The following PTPRM variants were observed in gnomAD, a reference collection of about 807,000 sequenced individuals.
The protein encoded by PTPRM is receptor-type tyrosine-protein phosphatase mu.
Under a neutral mutation model 186.7 loss-of-function variants are expected in PTPRM, and 47 were observed. The ratio of observed to expected loss-of-function variants is 0.25; its 90% CI spans 0.20 to 0.32. The LOEUF is 0.32. Among genes scored for constraint, PTPRM ranks in the 10% least tolerant of loss-of-function variants. The probability of loss-of-function intolerance (pLI) is 1.00; values close to 1 mark genes in which losing one functional copy is unlikely to be tolerated. For synonymous variants in PTPRM, 668 were observed against 674.9 expected (o/e 0.99, Z 0.16); for missense variants, 1,494 against 1,865.0 (o/e 0.80, Z 3.66).
At chr18:8,352,632 C>CTTTTTTTTTTTTTGGTTTTTTTT (rs2095540295) in intron 23 of PTPRM, among the ~76,000 whole-genome samples, 2 of 130,462 alleles carry the variant, frequency 1.5e-5, no homozygotes, top group African/African-American at 5.7e-5. Context: ...TTTTTCTTTT[C>CTTTTTTTTTTTTTGGTTTTTTTT]TTTTTTTTTT....
intron 11 of PTPRM, among the ~76,000 whole-genome samples, chr18:8,092,276 A>G (rs2090777217): frequency 6.6e-6 from 1 of 152,166 alleles, no homozygotes; most frequent in African/African-American, 2.4e-5. Flanking sequence ...TTAAATCCTG[A>G]GATGGCCAAG....
intron 11 of PTPRM, among the ~76,000 whole-genome samples, chr18:8,094,822 A>G (rs1027903749): frequency 6.6e-6 from 1 of 152,182 alleles, no homozygotes; most frequent in Non-Finnish European, 1.5e-5. Context: ...CTCACTTTAT[A>G]TATCACATAA....
intron 19 of PTPRM, among the ~76,000 whole-genome samples, chr18:8,274,705 C>T (rs1181495068): frequency 6.6e-6 from 1 of 152,164 alleles, no homozygotes; most frequent in African/African-American, 2.4e-5. Flanking sequence ...CTTAGGGACA[C>T]AGCCCTTTGC....
intron 1 of PTPRM, among the ~76,000 whole-genome samples, chr18:7,661,078 T>C (rs1350368577): frequency 6.6e-6 from 1 of 152,220 alleles, no homozygotes; most frequent in Non-Finnish European, 1.5e-5. Flanking sequence ...AGCAGAAATA[T>C]GTTTTGAAGA....
chr18:7,868,146 T>C (rs1382654250), intron 2 of PTPRM, among the ~76,000 whole-genome samples: 1 of 152,202 alleles, frequency 6.6e-6, no homozygotes, highest in South Asian at 2.1e-4. Flanking sequence ...TAGGACATGC[T>C]CCTTTAGCTC....
intron 14 of PTPRM, among the ~76,000 whole-genome samples, chr18:8,150,567 T>C (rs2092983086): frequency 6.6e-6 from 1 of 152,204 alleles, no homozygotes; most frequent in Non-Finnish European, 1.5e-5. Flanking sequence ...TCAAGGTTCT[T>C]AGCTTCCTTG....
intron 2 of PTPRM, among the ~76,000 whole-genome samples, chr18:7,875,078 C>A (rs1292241260): frequency 1.3e-5 from 2 of 152,006 alleles, no homozygotes; most frequent in Non-Finnish European, 2.9e-5. Context: ...TGCCTGTAAT[C>A]CCAGCTATTG....
intron 29 of PTPRM, 91 bp from the exon 30 acceptor site, chr18:8,384,470 G>T (rs2095758763): frequency 7.0e-7 from 1 of 1,431,254 alleles, no homozygotes; most frequent in South Asian, 1.2e-5. Flanking sequence ...AAAAAAAAAG[G>T]ATTACTGAGT....
At chr18:8,002,670 A>G (rs2083939577) in intron 7 of PTPRM, among the ~76,000 whole-genome samples, 1 of 152,184 alleles carries the variant, frequency 6.6e-6, no homozygotes, top group Non-Finnish European at 1.5e-5. Flanking sequence ...AGATGTATTG[A>G]ATCAGAAACT....
chr18:7,874,419 G>A (rs374808910), intron 2 of PTPRM, among the ~76,000 whole-genome samples: 11 of 152,078 alleles, frequency 7.2e-5, no homozygotes, highest in African/African-American at 2.7e-4. Context: ...TATTCTGAGA[G>A]CTGATATAAA....
At chr18:8,127,900 T>C (rs1023986121) in intron 13 of PTPRM, among the ~76,000 whole-genome samples, 2 of 152,168 alleles carry the variant, frequency 1.3e-5, no homozygotes, top group East Asian at 3.9e-4. Flanking sequence ...TTATATTTAG[T>C]GCCTTTGTTA....
At chr18:7,802,307 TG>T (rs1490002771) in intron 2 of PTPRM, among the ~76,000 whole-genome samples, 1 of 152,216 alleles carries the variant, frequency 6.6e-6, no homozygotes, top group Non-Finnish European at 1.5e-5. Context: ...GGGCCACTAC[TG>T]GGTCAGGGAA....
chr18:7,894,307 C>G (rs2049232186), intron 3 of PTPRM, among the ~76,000 whole-genome samples: 1 of 152,128 alleles, frequency 6.6e-6, no homozygotes, highest in African/African-American at 2.4e-5. Context: ...ATTTTCCAAG[C>G]CAGGCATGGT....
chr18:8,289,741 T>G (rs1399398110), intron 19 of PTPRM, among the ~76,000 whole-genome samples: 1 of 151,794 alleles, frequency 6.6e-6, no homozygotes, highest in African/African-American at 2.4e-5. Flanking sequence ...TCATGATGGC[T>G]GCTCTGAATC....
At chr18:8,030,652 A>G (rs536561574) in intron 7 of PTPRM, among the ~76,000 whole-genome samples, 6 of 151,456 alleles carry the variant, frequency 4.0e-5, no homozygotes, top group South Asian at 4.2e-4. Context: ...TAGAGCACAG[A>G]TGGGATCCCT....
intron 1 of PTPRM, among the ~76,000 whole-genome samples, chr18:7,750,225 T>A (rs533285373): frequency 6.6e-6 from 1 of 152,242 alleles, no homozygotes; most frequent in African/African-American, 2.4e-5. Flanking sequence ...TAAGCTAAAT[T>A]TAAGTTTATA....
chr18:8,066,366 T>A (rs2089077013), intron 7 of PTPRM, among the ~76,000 whole-genome samples: 1 of 152,106 alleles, frequency 6.6e-6, no homozygotes, highest in Admixed American at 6.5e-5. Context: ...CATTTCCCCA[T>A]CCCTCTTAAC....
At chr18:8,052,540 G>C (rs886686423) in intron 7 of PTPRM, among the ~76,000 whole-genome samples, 2 of 152,166 alleles carry the variant, frequency 1.3e-5, no homozygotes, top group Non-Finnish European at 2.9e-5. Context: ...AGGCTCTACT[G>C]TGTAGGTTTG....
At position 7,637,177 on chromosome 18, in the gene PTPRM, A is replaced by AC. The variant is rs2038335122; in HGVS notation, c.73+69286_73+69287insC. 5.3e-5 allele frequency among the ~76,000 whole-genome samples: 8 copies of AC among 151,956 alleles called. 1 individual carries two copies. The South Asian group carries it at 1.2e-3, about 24-fold the overall frequency. On this transcript the variant is annotated intron_variant, in intron 1 of 32. Coordinates refer to ENST00000580170, the MANE Select transcript of PTPRM (RefSeq NM_001105244.2). Reference sequence around the variant, plus strand: ...AGCGAGACCCTGACTCAAAAAAAAAAAAAAAAAAACAGTGTAATTCATTTG... The same window carrying AC: ...AGCGAGACCCTGACTCAAAAAAAAAACAAAAAAAAACAGTGTAATTCATTTG...
Sources: allele counts gnomAD v4.1 joint callset (sites outside exome capture counted in the v4.1 genomes callset), GRCh38; gene constraint gnomAD v4.1.1; transcripts MANE v1.5; gene names NCBI Gene and HGNC (gene_info 2026-07-23, HGNC 2026-07-21).